AKAP9: variants seen among roughly 807,000 people sequenced by gnomAD.
The protein encoded by AKAP9 is A-kinase anchor protein 9.
In AKAP9, 311 loss-of-function variants were observed where a neutral mutation model predicts 488.5. The ratio of observed to expected loss-of-function variants is 0.64; its 90% CI spans 0.58 to 0.70. The LOEUF is 0.70. AKAP9 is among the 30% of genes least tolerant of loss of function. The probability of loss-of-function intolerance (pLI) is 0.00; values close to 1 mark genes in which losing one functional copy is unlikely to be tolerated. For synonymous variants in AKAP9, 1,462 were observed against 1,483.5 expected (o/e 0.99, Z 0.33); for missense variants, 4,215 against 4,374.5 (o/e 0.96, Z 1.03).
At position 91,985,821 on chromosome 7, in the gene AKAP9, G is replaced by A. The variant is rs545184865; in HGVS notation, c.351+5488G>A. On this transcript the variant is annotated intron_variant, in intron 3 of 49. Coordinates refer to ENST00000356239, the MANE Select transcript of AKAP9 (RefSeq NM_005751.5). ...TGCCACCATATCTGGCTAATTTTTC[G>A]TATTTTTATTAGAGATGGGGTTTCA... 1.0e-3 allele frequency among the ~76,000 whole-genome samples: 152 copies of A among 152,120 alleles called. 2 individuals carry two copies. In the South Asian group the frequency reaches 0.028, roughly 28 times the overall value.
Position 92,079,636 on chromosome 7 carries a change from G to T in AKAP9, c.7503G>T (p.Leu2501Phe). 6.2e-7 allele frequency: 1 copy of T among 1,613,906 alleles called. No homozygotes were observed. The highest frequency in any genetic ancestry group is 8.5e-7 in the Non-Finnish European group (1 of 1,179,958). The change falls in exon 31 of 50, where the codon TTG (leucine) becomes TTT (phenylalanine). Residue 2501 changes from leucine (L) to phenylalanine (F), a missense_variant. Around this residue, in one of 5 missense-constraint regions of AKAP9, gnomAD observed 1,476 missense variants for 1,477.4 expected, o/e 1.00. Transcript: ENST00000356239. Reference sequence around the variant, plus strand: ...CCATAATTAATTTGGAAACAAGGTTGCTACAACTTGAGAGCACTGTTAGTG... The same window carrying T: ...CCATAATTAATTTGGAAACAAGGTTTCTACAACTTGAGAGCACTGTTAGTG... ...KGSIINLETR[L>F]LQLESTVSAK...
At chr7:92,053,993 T>G (rs540899300) in intron 22 of AKAP9, among the ~76,000 whole-genome samples, 1 of 152,166 alleles carries the variant, frequency 6.6e-6, no homozygotes, top group Non-Finnish European at 1.5e-5. Context: ...TACTAACATC[T>G]TTTATATAAA....
At position 92,102,151 on chromosome 7, in the gene AKAP9, G is replaced by A. The variant is rs1198711933; in HGVS notation, c.11098-443G>A. ...AGTATGGGTGACAGAGTGAGACTCC[G>A]TCTCATAAATTTAAAAAAAAAATAA... On this transcript the variant is annotated intron_variant, in intron 45 of 49. Transcript: ENST00000356239. Among the ~76,000 whole-genome samples, 12 of 116,216 alleles carry A rather than the reference G, an allele frequency of 1.0e-4. No individual in the cohort carries two copies. The South Asian group carries it at 1.2e-3, about 11-fold the overall frequency. 76.2% of individuals were successfully genotyped at this position (116,216 alleles called of 152,430 possible). A position where few individuals can be genotyped will look rare whatever the true frequency, so the allele number is the denominator to read the frequency against.
chr7:91,963,932 T>C (rs1011062524), intron 1 of AKAP9, among the ~76,000 whole-genome samples: 1 of 152,368 alleles, frequency 6.6e-6, no homozygotes, highest in Non-Finnish European at 1.5e-5. Context: ...TTAATACTAG[T>C]AGTATATTTC....
chr7:91,959,438 G>A (rs1043088874), intron 1 of AKAP9, among the ~76,000 whole-genome samples: 3 of 149,098 alleles, frequency 2.0e-5, no homozygotes, highest in African/African-American at 5.0e-5. Flanking sequence ...GACCACAGGT[G>A]TGGGCCACCA....
chr7:91,974,226 A>G (rs1795400994), intron 2 of AKAP9, among the ~76,000 whole-genome samples: 1 of 152,220 alleles, frequency 6.6e-6, no homozygotes, highest in African/African-American at 2.4e-5. Context: ...GGATATGACT[A>G]TCTCTGCCCT....
intron 46 of AKAP9, among the ~76,000 whole-genome samples, chr7:92,103,711 T>C (rs1021412196): frequency 4.0e-5 from 6 of 149,938 alleles, no homozygotes; most frequent in African/African-American, 1.5e-4. Flanking sequence ...AAAAAAAAAA[T>C]CTGAATAAGC....
At chr7:92,041,254 T>C in intron 18 of AKAP9, 1 of 226,268 alleles carries the variant, frequency 4.4e-6, no homozygotes, top group Non-Finnish European at 8.8e-6. Context: ...ATTTTGGAAA[T>C]AACATTGTGC....
At chr7:92,061,202 T>A (rs1809719873) in intron 22 of AKAP9, 58 bp from the exon 23 acceptor site, 1 of 1,587,442 alleles carries the variant, frequency 6.3e-7, no homozygotes, top group African/African-American at 1.3e-5. Context: ...TAATAGGGAA[T>A]GAAACTAGTA....
intron 23 of AKAP9, among the ~76,000 whole-genome samples, chr7:92,061,833 A>G (rs569481034): frequency 1.3e-5 from 2 of 151,842 alleles, no homozygotes; most frequent in Non-Finnish European, 2.9e-5. Context: ...CTAAAGCCCT[A>G]TGCTCTTTTT....
chr7:92,033,442 CTTT>C (rs35497475), intron 16 of AKAP9, among the ~76,000 whole-genome samples: 41 of 107,342 alleles, frequency 3.8e-4, no homozygotes, highest in African/African-American at 1.3e-3. Flanking sequence ...CTTTTCTTTT[CTTT>C]TTTTTTTTTT....
In AKAP9 at chr7:92,079,502, C is replaced by A; in HGVS notation, c.7369C>A (p.His2457Asn). ...PENSVNVAID[H>N]LSKDKPELEV... ...GAATAGTGTTAACGTGGCTATAGAT[C>A]ATCTGAGCAAAGACAAACCTGAACT... The change falls in exon 31 of 50, where the codon CAT becomes AAT. Residue 2457 changes from histidine to asparagine, a missense_variant. Physicochemically the swap from His to Asn is moderately conservative, Grantham distance 68. Around this residue, in one of 5 missense-constraint regions of AKAP9, gnomAD observed 1,476 missense variants for 1,477.4 expected, o/e 1.00. Transcript: ENST00000356239. 2 of 1,613,922 alleles carry A rather than the reference C, an allele frequency of 1.2e-6. No individual in the cohort carries two copies. Among genetic ancestry groups the A allele is most frequent in the Non-Finnish European group, 1.7e-6 (2 of 1,179,992 alleles).
intron 24 of AKAP9, chr7:92,063,645 C>T: frequency 8.0e-6 from 2 of 251,444 alleles, no homozygotes; most frequent in Non-Finnish European, 1.3e-5. Context: ...TCTTTAACAA[C>T]AACAAATAAA....
At chr7:92,055,276 G>A (rs910498517) in intron 22 of AKAP9, among the ~76,000 whole-genome samples, 1 of 152,094 alleles carries the variant, frequency 6.6e-6, no homozygotes, top group Admixed American at 6.6e-5. Flanking sequence ...TTAAGATTTT[G>A]TTTTGTCATT....
In AKAP9 at chr7:92,001,796, A is replaced by T. The variant is rs1799216709; in HGVS notation, c.1879A>T (p.Thr627Ser). 1 of 1,613,358 alleles carries T rather than the reference A, an allele frequency of 6.2e-7. No homozygotes were observed. The change falls in exon 8 of 50, where the codon ACA becomes TCA. Residue 627 changes from threonine (T) to serine (S), a missense_variant. This residue lies in a region of AKAP9 where 2,361 missense variants were observed against 2,430.0 expected (regional missense o/e 0.97). Coordinates refer to ENST00000356239, the MANE Select transcript of AKAP9 (RefSeq NM_005751.5). ...SQEAELERLRTQLLFSHEEEL... is the reference protein window; with the variant it reads ...SQEAELERLRSQLLFSHEEEL... ...AGAAGCTGAATTAGAGAGGCTGAGA[A>T]CACAGCTTCTATTTAGTCACGAAGA...
intron 26 of AKAP9, among the ~76,000 whole-genome samples, chr7:92,069,392 G>A (rs1044879892): frequency 1.1e-4 from 17 of 152,140 alleles, no homozygotes; most frequent in Admixed American, 3.9e-4. Flanking sequence ...AAAGGATTAC[G>A]TGAAAGCAAT....
At chr7:92,000,122 C>T (rs907911879) in intron 7 of AKAP9, among the ~76,000 whole-genome samples, 1 of 152,346 alleles carries the variant, frequency 6.6e-6, no homozygotes, top group Admixed American at 6.5e-5. Context: ...TGTGTCTGGG[C>T]GTAGCCCTAT....
At chr7:92,105,004 A>G (rs924587014) in intron 46 of AKAP9, among the ~76,000 whole-genome samples, 4 of 152,140 alleles carry the variant, frequency 2.6e-5, no homozygotes, top group African/African-American at 7.2e-5. Flanking sequence ...GTTGTTATTG[A>G]CATACTTCAC....
intron 24 of AKAP9, chr7:92,063,343 C>T (rs1810209417): frequency 3.7e-5 from 14 of 376,654 alleles, no homozygotes; most frequent in Non-Finnish European, 4.7e-5. Flanking sequence ...TAATCAGTGT[C>T]TTCAACTCTT....
Sources: allele counts gnomAD v4.1 joint callset (sites outside exome capture counted in the v4.1 genomes callset), GRCh38; gene constraint gnomAD v4.1.1; regional missense constraint gnomAD v4.1.1; transcripts MANE v1.5; gene names NCBI Gene and HGNC (gene_info 2026-07-23, HGNC 2026-07-21).